The following VCAN variants were observed in gnomAD, a reference collection of about 807,000 sequenced individuals.
VCAN encodes versican core protein.
VCAN carries 44 observed loss-of-function variants against 245.5 expected under a neutral mutation model. The observed-to-expected ratio is 0.18, with a 90% CI of 0.14 to 0.23. The LOEUF (loss-of-function observed/expected upper bound fraction) is 0.23, where lower values mean the gene tolerates loss of function less well. VCAN is among the 10% of genes least tolerant of loss of function. VCAN has a pLI of 1.00. For synonymous variants in VCAN, 1,413 were observed against 1,437.0 expected, an observed-to-expected ratio of 0.98 and a Z score of 0.38; for missense variants, 3,793 against 4,057.9, an observed-to-expected ratio of 0.93 and a Z score of 1.77.
At chr5:83,482,970 C>G (rs565173119) in intron 1 of VCAN, among the ~76,000 whole-genome samples, 1 of 152,214 alleles carries the variant, frequency 6.6e-6, no homozygotes, top group Admixed American at 6.5e-5. Context: ...AAAAGCCTGC[C>G]GAAGTCCTTA....
rs772918464 is a variant in VCAN, at chr5:83,541,886, A to G, written c.8883A>G (p.Thr2961=). Residue 2961 remains threonine, a synonymous_variant, in exon 8 of 15, where the codon ACA becomes ACG. Transcript: ENST00000265077. The part of the protein sequence containing the change: ...IKTPEAGTVI[T]TADEIELEGA... The stretch of plus-strand genomic sequence containing the variant: ...CACCTGAGGCTGGAACTGTTATTAC[A>G]ACTGCCGATGAAATTGAATTAGAAG... 27 of 1,614,100 alleles carry G rather than the reference A, an allele frequency of 1.7e-5. No homozygotes were observed. Among genetic ancestry groups the G allele is most frequent in the Non-Finnish European group, 2.1e-5 (25 of 1,179,998 alleles).
At position 83,490,420 on chromosome 5, in the gene VCAN, C is replaced by G; in HGVS notation, c.393C>G (p.Asp131Glu). ...GTGATGCGGGTCTTTACCGCTGTGA[C>G]GTCATGTACGGGATTGAAGACACAC... ...LASDAGLYRC[D>E]VMYGIEDTQD... is the part of the protein sequence containing the mutation. The change falls in exon 3 of 15, where the codon GAC (aspartate) becomes GAG (glutamate). Residue 131 changes from aspartate to glutamate, a missense_variant. Coordinates refer to ENST00000265077, the MANE Select transcript of VCAN (RefSeq NM_004385.5). The G allele has an allele frequency of 6.2e-7, 1 of 1,614,106 alleles. No individual in the cohort carries two copies. The highest frequency in any genetic ancestry group is 8.5e-7 in the Non-Finnish European group (1 of 1,180,034).
intron 5 of VCAN, among the ~76,000 whole-genome samples, chr5:83,505,803 G>A (rs1048007236): frequency 6.6e-6 from 1 of 152,198 alleles, no homozygotes; most frequent in Admixed American, 6.5e-5. Flanking sequence ...GCAAACTTCT[G>A]CCTGGGCAGC....
intron 12 of VCAN, among the ~76,000 whole-genome samples, chr5:83,570,689 A>G (rs1453080833): frequency 6.6e-6 from 1 of 152,148 alleles, no homozygotes; most frequent in Admixed American, 6.5e-5. Flanking sequence ...AACATTTGGT[A>G]TTGAAAACAC....
chr5:83,550,299 A>T (rs1274726128), intron 10 of VCAN, among the ~76,000 whole-genome samples: 1 of 152,222 alleles, frequency 6.6e-6, no homozygotes. Context: ...GCACACTACA[A>T]ATCTGGGTTT....
chr5:83,546,979 TTA>T (rs1187921627), intron 9 of VCAN, among the ~76,000 whole-genome samples: 1 of 152,164 alleles, frequency 6.6e-6, no homozygotes, highest in Non-Finnish European at 1.5e-5. Flanking sequence ...TAGAAAGATT[TTA>T]TTTGACATAG....
At position 83,522,012 on chromosome 5, in the gene VCAN, A is replaced by T. The variant is rs767507947; in HGVS notation, c.3706A>T (p.Ile1236Phe). 3.1e-6 allele frequency: 5 copies of T among 1,614,084 alleles called. No homozygotes were observed. The African/African-American group carries it at 6.7e-5, about 22-fold the overall frequency. ...SSAITKKPPL[I>F]DREPGEETTS... The stretch of plus-strand genomic sequence containing the variant: ...CGCGATCACTAAGAAACCACCTCTC[A>T]TCGACAGGGAACCTGGTGAAGAAAC... The change falls in exon 7 of 15, where the codon ATC becomes TTC. Residue 1236 changes from isoleucine (I) to phenylalanine (F), a missense_variant. By Grantham distance (21) the Ile-to-Phe change is conservative. Around this residue, in one of 5 missense-constraint regions of VCAN, gnomAD observed 3,182 missense variants for 3,250.3 expected, o/e 0.98. Transcript: ENST00000265077.
At chr5:83,509,671 T>C (rs1745593406) in intron 5 of VCAN, among the ~76,000 whole-genome samples, 2 of 152,224 alleles carry the variant, frequency 1.3e-5, no homozygotes, top group Admixed American at 1.3e-4. Flanking sequence ...ATTCCAGCTG[T>C]AATAACAAGT....
chr5:83,574,919 A>C (rs1299326604), intron 13 of VCAN, among the ~76,000 whole-genome samples: 1 of 152,168 alleles, frequency 6.6e-6, no homozygotes, highest in Non-Finnish European at 1.5e-5. Context: ...CCAATTTCTA[A>C]AGCACGCTGT....
At chr5:83,577,371 G>A (rs953733747) in intron 13 of VCAN, among the ~76,000 whole-genome samples, 1 of 152,100 alleles carries the variant, frequency 6.6e-6, no homozygotes, top group African/African-American at 2.4e-5. Flanking sequence ...GAGCATTTTA[G>A]CTTGTATTTT....
At chr5:83,571,542 C>T (rs751480407) in intron 12 of VCAN, among the ~76,000 whole-genome samples, 2 of 152,032 alleles carry the variant, frequency 1.3e-5, no homozygotes, top group East Asian at 1.9e-4. Flanking sequence ...TATATTATTG[C>T]TCAGAGTAGG....
chr5:83,497,865 T>G (rs908758308), intron 5 of VCAN, among the ~76,000 whole-genome samples: 2 of 152,196 alleles, frequency 1.3e-5, no homozygotes, highest in African/African-American at 2.4e-5. Context: ...ATAAGTTTCT[T>G]TTTTAGGCAT....
intron 6 of VCAN, 38 bp from the exon 7 acceptor site, chr5:83,519,311 T>C (rs781382407): frequency 6.2e-7 from 1 of 1,606,788 alleles, no homozygotes; most frequent in Non-Finnish European, 8.5e-7. Context: ...TTTTTATTAG[T>C]GACTTGTCTA....
chr5:83,559,950 G>A (rs10044547), intron 12 of VCAN, among the ~76,000 whole-genome samples: 2,890 of 151,046 alleles, frequency 0.019, 82 homozygotes, highest in African/African-American at 0.065. Flanking sequence ...ATTTAAAGTT[G>A]TACCAGTATG....
At chr5:83,572,643 T>C in intron 13 of VCAN, 83 bp downstream of exon 13, 1 of 1,537,594 alleles carries the variant, frequency 6.5e-7, no homozygotes, top group Middle Eastern at 1.7e-4. Flanking sequence ...CTCAAATTCA[T>C]TGTTTGAGAC....
In VCAN at chr5:83,580,349, A is replaced by G. The variant is rs1471664584; in HGVS notation, c.10106A>G (p.Asn3369Ser). 1 of 1,613,990 alleles carries G rather than the reference A, an allele frequency of 6.2e-7. No individual in the cohort carries two copies. Reference sequence around the variant, plus strand: ...ACTTATTCTATGAAATACTTTAAAAATTCCTCATCAGCAAAGGACAATTCA... The same window carrying G: ...ACTTATTCTATGAAATACTTTAAAAGTTCCTCATCAGCAAAGGACAATTCA... ...QRTYSMKYFK[N>S]SSSAKDNSIN... Residue 3369 changes from asparagine (N) to serine (S), a missense_variant, in exon 15 of 15, where the codon AAT (asparagine) becomes AGT (serine). By Grantham distance (46) the Asn-to-Ser change is conservative (BLOSUM62 1). This residue lies in a region of VCAN where 205 missense variants were observed against 321.1 expected (regional missense o/e 0.64). Transcript: ENST00000265077.
intron 5 of VCAN, among the ~76,000 whole-genome samples, chr5:83,501,971 A>G (rs533164051): frequency 6.6e-6 from 1 of 152,220 alleles, no homozygotes; most frequent in East Asian, 1.9e-4. Context: ...TTTATTCAAC[A>G]ATATTTTGTT....
At chr5:83,497,059 A>T (rs1745179623) in intron 5 of VCAN, among the ~76,000 whole-genome samples, 1 of 152,168 alleles carries the variant, frequency 6.6e-6, no homozygotes, top group Non-Finnish European at 1.5e-5. Flanking sequence ...GGACAGTAAA[A>T]GATTTGGTAT....
In VCAN at chr5:83,478,394, G is replaced by A. The variant is rs148568007; in HGVS notation, c.-6-5119G>A. On this transcript the variant is annotated intron_variant, in intron 1 of 14. Transcript: ENST00000265077. ...ACTTTTTTTTGATTCTTTATCAAAA[G>A]TTTTTAAAAGATGTATATACTCTTT... Among the ~76,000 whole-genome samples the A allele has an allele frequency of 4.7e-3, 712 of 152,178 alleles. 10 individuals are homozygous for A. The highest frequency in any genetic ancestry group is 0.016 in the African/African-American group (679 of 41,528).
Sources: allele counts gnomAD v4.1 joint callset (sites outside exome capture counted in the v4.1 genomes callset), GRCh38; gene constraint gnomAD v4.1.1; regional missense constraint gnomAD v4.1.1; transcripts MANE v1.5; gene names NCBI Gene and HGNC (gene_info 2026-07-23, HGNC 2026-07-21).